The following ARL15 variants were observed in gnomAD, a reference collection of about 807,000 sequenced individuals.
The protein encoded by ARL15 is ARF like GTPase 15.
A neutral mutation model predicts 25.2 loss-of-function variants in ARL15; 19 were observed. The observed-to-expected ratio is 0.75, with a 90% CI of 0.53 to 1.10. The LOEUF is 1.10. Ranked by LOEUF, ARL15 falls within the 50% of genes least tolerant of loss-of-function variation. The probability of loss-of-function intolerance (pLI) is 0.00; values close to 1 mark genes in which losing one functional copy is unlikely to be tolerated. For synonymous variants in ARL15, 94 were observed against 86.8 expected, an observed-to-expected ratio of 1.08 and a Z score of -0.46; for missense variants, 220 against 246.0, an observed-to-expected ratio of 0.89 and a Z score of 0.71.
intron 4 of ARL15, among the ~76,000 whole-genome samples, chr5:54,061,995 C>G (rs1384834691): frequency 6.6e-6 from 1 of 152,214 alleles, no homozygotes; most frequent in African/African-American, 2.4e-5. Flanking sequence ...CTACTTGTTG[C>G]ATCTGTGCGA....
At chr5:53,932,411 C>T (rs1253096567) in intron 4 of ARL15, among the ~76,000 whole-genome samples, 10 of 152,174 alleles carry the variant, frequency 6.6e-5, no homozygotes, top group African/African-American at 2.4e-4. Context: ...ATAGGAGAGC[C>T]TTGCCAATGG....
At chr5:54,015,285 T>A (rs1344743574) in intron 4 of ARL15, among the ~76,000 whole-genome samples, 18 of 111,336 alleles carry the variant, frequency 1.6e-4, no homozygotes, top group African/African-American at 5.7e-4. Context: ...ATAGCGAAAC[T>A]CCATCTCAAA....
chr5:54,179,019 C>T lies in ARL15; in HGVS notation c.49-7091G>A, dbSNP rs28033. 1.3e-4 allele frequency among the ~76,000 whole-genome samples: 20 copies of T among 151,946 alleles called. 1 individual carries two copies. In the South Asian group the frequency reaches 3.7e-3, roughly 28 times the overall value. On this transcript the variant is annotated intron_variant, in intron 1 of 4. Transcript: ENST00000504924. ...AATTCATCTATTCCCTAGAAAAGTA[C>T]CATATGATTTCAATTTAAAGAGGAG...
At chr5:54,024,576 A>T (rs966707530) in intron 4 of ARL15, among the ~76,000 whole-genome samples, 11 of 152,184 alleles carry the variant, frequency 7.2e-5, no homozygotes, top group Non-Finnish European at 2.9e-5. Context: ...CAGGAATAAG[A>T]TGTATAATGA....
chr5:54,202,469 G>A (rs371376571), intron 1 of ARL15, among the ~76,000 whole-genome samples: 1 of 152,050 alleles, frequency 6.6e-6, no homozygotes, highest in African/African-American at 2.4e-5. Context: ...AATGAAAAGG[G>A]GCCAATAGCC....
At chr5:54,126,632 A>C (rs1753262042) in intron 3 of ARL15, among the ~76,000 whole-genome samples, 1 of 152,150 alleles carries the variant, frequency 6.6e-6, no homozygotes. Context: ...TGCTTAGGTC[A>C]TGAGGGATTC....
chr5:54,159,967 T>C (rs1397681937), intron 2 of ARL15, among the ~76,000 whole-genome samples: 1 of 152,244 alleles, frequency 6.6e-6, no homozygotes, highest in African/African-American at 2.4e-5. Flanking sequence ...GTATTTCACT[T>C]GGACCTACAG....
intron 4 of ARL15, among the ~76,000 whole-genome samples, chr5:54,043,296 C>A (rs531846950): frequency 6.6e-6 from 1 of 152,104 alleles, no homozygotes; most frequent in African/African-American, 2.4e-5. Flanking sequence ...TAGGGGTATG[C>A]CTTATTTATA....
rs1270314662 is a variant in ARL15 at position 54,213,016 on chromosome 5, G to A, written c.49-41088C>T. ...ATCCTGTATCTCCTTTAAATATGTTGTCTGATCAAGCAAACATAGCATAAT... is the reference window on the plus strand; with the variant it reads ...ATCCTGTATCTCCTTTAAATATGTTATCTGATCAAGCAAACATAGCATAAT... On this transcript the variant is annotated intron_variant, in intron 1 of 4. Transcript: ENST00000504924. Among the ~76,000 whole-genome samples the A allele has an allele frequency of 5.9e-5, 9 of 152,158 alleles. No individual in the cohort carries two copies. The East Asian group carries it at 1.5e-3, about 26-fold the overall frequency.
At chr5:54,018,417 T>C (rs762272592) in intron 4 of ARL15, among the ~76,000 whole-genome samples, 1 of 152,274 alleles carries the variant, frequency 6.6e-6, no homozygotes, top group East Asian at 1.9e-4. Context: ...ATAAGGAACA[T>C]ACAAAAAAGA....
At chr5:53,908,416 C>T (rs7733347) in intron 4 of ARL15, among the ~76,000 whole-genome samples, 143,219 of 152,240 alleles carry the variant, frequency 0.94, 67,899 homozygotes, top group Non-Finnish European at 1. Context: ...TGACTAGTTA[C>T]GCAGCATTTA....
intron 1 of ARL15, among the ~76,000 whole-genome samples, chr5:54,225,750 A>G (rs1014256717): frequency 6.6e-6 from 1 of 152,162 alleles, no homozygotes; most frequent in African/African-American, 2.4e-5. Flanking sequence ...GACCTTGGGA[A>G]GGAGTAAGGA....
At chr5:54,105,227 A>G (rs1326583348) in intron 4 of ARL15, among the ~76,000 whole-genome samples, 1 of 152,022 alleles carries the variant, frequency 6.6e-6, no homozygotes, top group Non-Finnish European at 1.5e-5. Context: ...TAAAAAAATA[A>G]ATGAAAGGAA....
At chr5:54,126,624 C>T (rs535445281) in intron 3 of ARL15, among the ~76,000 whole-genome samples, 2 of 152,246 alleles carry the variant, frequency 1.3e-5, no homozygotes, top group African/African-American at 4.8e-5. Flanking sequence ...ATAGAAGTTG[C>T]TTAGGTCATG....
chr5:54,240,390 G>A (rs1756928717), intron 1 of ARL15, among the ~76,000 whole-genome samples: 1 of 151,838 alleles, frequency 6.6e-6, no homozygotes, highest in South Asian at 2.1e-4. Flanking sequence ...TATACATGCA[G>A]GTAGAGTGGG....
At chr5:54,135,906 GAGA>G (rs1753588163) in intron 3 of ARL15, among the ~76,000 whole-genome samples, 1 of 152,144 alleles carries the variant, frequency 6.6e-6, no homozygotes, top group Non-Finnish European at 1.5e-5. Context: ...CACTGCTTCT[GAGA>G]AGGACAGGTT....
chr5:54,197,508 T>C (rs941527220), intron 1 of ARL15, among the ~76,000 whole-genome samples: 1 of 152,112 alleles, frequency 6.6e-6, no homozygotes, highest in Non-Finnish European at 1.5e-5. Flanking sequence ...GATCTCCATG[T>C]TTTGCACCAA....
chr5:54,025,957 C>A (rs1167619418), intron 4 of ARL15, among the ~76,000 whole-genome samples: 1 of 152,102 alleles, frequency 6.6e-6, no homozygotes, highest in Non-Finnish European at 1.5e-5. Context: ...ATAGCCTCTA[C>A]CAAGAAGCAG....
chr5:54,256,945 T>A lies in ARL15; in HGVS notation c.48+53487A>T, dbSNP rs575585312. On this transcript the variant is annotated intron_variant, in intron 1 of 4. Coordinates refer to ENST00000504924, the MANE Select transcript of ARL15 (RefSeq NM_019087.3). ...ATAGATGGAACATACCTCAAAATAA[T>A]AAAATCCATCCATATATGACAAACC... 4.4e-3 allele frequency among the ~76,000 whole-genome samples: 676 copies of A among 152,148 alleles called. 4 individuals are homozygous for A. Among genetic ancestry groups the A allele is most frequent in the Middle Eastern group, 6.8e-3 (2 of 294 alleles).
Sources: gnomAD v4.1 joint callset for allele counts (sites outside exome capture counted in the v4.1 genomes callset) on GRCh38, gnomAD v4.1.1 for gene constraint, MANE v1.5 for transcripts, NCBI Gene and HGNC (gene_info 2026-07-23, HGNC 2026-07-21) for gene names.